The following ST3GAL4 variants were observed in gnomAD, a reference collection of about 807,000 sequenced individuals.
The protein encoded by ST3GAL4 is ST3 beta-galactoside alpha-2,3-sialyltransferase 4, also known as CMP-N-acetylneuraminate-beta-galactosamide-alpha-2,3-sialyltransferase 4.
In ST3GAL4, 24 loss-of-function variants were observed where a neutral mutation model predicts 42.6. That is an observed-to-expected ratio of 0.56 (90% CI 0.41 to 0.79). ST3GAL4 has a LOEUF of 0.79. Among genes scored for constraint, ST3GAL4 ranks in the 30% least tolerant of loss-of-function variants. The pLI, the probability that ST3GAL4 is intolerant of heterozygous loss-of-function variation, is 0.00. For missense variants in ST3GAL4, 311 were observed against 430.8 expected (o/e 0.72, Z 2.46); for synonymous variants, 135 against 163.2 (o/e 0.83, Z 1.32).
In ST3GAL4 at chr11:126,406,222, C is replaced by T. The variant is rs772842973; in HGVS notation, c.16+51C>T. 2.8e-5 allele frequency: 44 copies of T among 1,553,128 alleles called. No individual in the cohort carries two copies. The highest frequency in any genetic ancestry group is 3.2e-5 in the Non-Finnish European group (37 of 1,148,566). On this transcript the variant is annotated intron_variant, in intron 2 of 10. Coordinates refer to ENST00000444328, the MANE Select transcript of ST3GAL4 (RefSeq NM_001254757.2). This position sits in a 1 kb window ranked among gnomAD's most constrained non-coding sequence, Gnocchi z 5.4. ...ACCCTGGAGGACAGGCCTCAGAAGC[C>T]GTCTTCAGCAGGATCCTGGGACCTC... is the stretch of plus-strand genomic sequence containing the variant.
intron 4 of ST3GAL4, 104 bp from the exon 5 acceptor site, chr11:126,407,148 G>A: frequency 1.4e-6 from 2 of 1,480,134 alleles, no homozygotes; most frequent in South Asian, 2.3e-5. Context: ...GTGAAGCCAG[G>A]GAGGGAAGAG....
chr11:126,367,161 G>A (rs1293580332), intron 1 of ST3GAL4, among the ~76,000 whole-genome samples: 4 of 152,066 alleles, frequency 2.6e-5, no homozygotes, highest in South Asian at 2.1e-4. Flanking sequence ...TGAATGGGGC[G>A]GAACTGGTCA....
At position 126,392,694 on chromosome 11, in the gene ST3GAL4, A is replaced by T. The variant is rs144253451; in HGVS notation, c.-60-13402A>T. ...TTTAGTGCTGGAGATACTATGGGAC[A>T]TAAGAAGTCCCTGCTTGCTGGGAGT... On this transcript the variant is annotated intron_variant, in intron 1 of 10. Transcript: ENST00000444328. The surrounding 1 kb of genome is among the most constrained non-coding windows in gnomAD (Gnocchi z 5.8). Among the ~76,000 whole-genome samples the T allele has an allele frequency of 4.2e-3, 646 of 152,372 alleles. 5 individuals are homozygous for T. Among genetic ancestry groups the T allele is most frequent in the African/African-American group, 0.014 (599 of 41,580 alleles).
intron 10 of ST3GAL4, 101 bp downstream of exon 10, chr11:126,413,749 C>T: frequency 5.2e-6 from 8 of 1,543,610 alleles, no homozygotes; most frequent in South Asian, 1.2e-5. Flanking sequence ...CCAGAGGTGG[C>T]TCCCGCAGTC....
At chr11:126,362,819 C>T (rs1952292695) in intron 1 of ST3GAL4, among the ~76,000 whole-genome samples, 1 of 152,208 alleles carries the variant, frequency 6.6e-6, no homozygotes, top group Non-Finnish European at 1.5e-5. Flanking sequence ...ACAAAACAAA[C>T]ATTTTTTAGG....
intron 1 of ST3GAL4, among the ~76,000 whole-genome samples, chr11:126,388,271 C>T (rs1205588341): frequency 6.6e-6 from 1 of 152,206 alleles, no homozygotes; most frequent in African/African-American, 2.4e-5. Context: ...TCTTATTTGC[C>T]ATTCATTTCT....
rs139331399 is a variant in ST3GAL4, at chr11:126,392,510, C to T, written c.-60-13586C>T. 8.2e-4 allele frequency among the ~76,000 whole-genome samples: 125 copies of T among 152,362 alleles called. No homozygotes were observed. Among genetic ancestry groups the T allele is most frequent in the African/African-American group, 2.9e-3 (121 of 41,594 alleles). On this transcript the variant is annotated intron_variant, in intron 1 of 10. Coordinates refer to ENST00000444328, the MANE Select transcript of ST3GAL4 (RefSeq NM_001254757.2). The surrounding 1 kb of genome is among the most constrained non-coding windows in gnomAD (Gnocchi z 5.8). The stretch of plus-strand genomic sequence containing the variant: ...GCTCCCAGTGTGAGCTTCTAGCAAG[C>T]CCCTTGTGCCTTAGATGCCCAGGTC...
rs1238990982 is a variant in ST3GAL4, at chr11:126,396,625, A to G, written c.-60-9471A>G. Among the ~76,000 whole-genome samples, 2 of 151,270 alleles carry G rather than the reference A, an allele frequency of 1.3e-5. No individual in the cohort carries two copies. The highest frequency in any genetic ancestry group is 2.9e-5 in the Non-Finnish European group (2 of 67,906). On this transcript the variant is annotated intron_variant, in intron 1 of 10. Transcript: ENST00000444328. This position sits in a 1 kb window ranked among gnomAD's most constrained non-coding sequence, Gnocchi z 5.8. ...TTCGAAGGACTTGGATGTGCTTGAG[A>G]CCCCTTCCCCTAATTGCTGTGTAGG...
At chr11:126,408,525 G>A in intron 8 of ST3GAL4, 29 bp downstream of exon 8, 2 of 1,611,962 alleles carry the variant, frequency 1.2e-6, no homozygotes, top group Non-Finnish European at 1.7e-6. Context: ...TGGGGGCTGA[G>A]GCCTGGCGGT....
chr11:126,396,908 T>C lies in ST3GAL4; in HGVS notation c.-60-9188T>C, dbSNP rs767366935. Among the ~76,000 whole-genome samples, 17 of 152,046 alleles carry C rather than the reference T, an allele frequency of 1.1e-4. No homozygotes were observed. Among genetic ancestry groups the C allele is most frequent in the East Asian group, 1.9e-4 (1 of 5,192 alleles). On this transcript the variant is annotated intron_variant, in intron 1 of 10. Coordinates refer to ENST00000444328, the MANE Select transcript of ST3GAL4 (RefSeq NM_001254757.2). The surrounding 1 kb of genome is among the most constrained non-coding windows in gnomAD (Gnocchi z 5.8). ...TTAACACTTTCACAGCCCTTAGAAG[T>C]GTCTAGCACAGTGGTCCTCAGCATT...
At position 126,355,713 on chromosome 11, in the gene ST3GAL4, G is replaced by T. The variant is rs961630076; in HGVS notation, c.-190G>T. 6.6e-6 allele frequency: 1 copy of T among 151,788 alleles called. No individual in the cohort carries two copies. Among genetic ancestry groups the T allele is most frequent in the African/African-American group, 2.4e-5 (1 of 41,412 alleles). 9.4% of individuals were successfully genotyped at this position (151,788 alleles called of 1,614,324 possible). ...AGGCGGACTCGCCCGCTCCCAGGCC[G>T]GACCCGCGCCCGGGACAGGGACCCG... On this transcript the variant is annotated 5_prime_UTR_variant, in exon 1 of 11. Coordinates refer to ENST00000444328, the MANE Select transcript of ST3GAL4 (RefSeq NM_001254757.2). The surrounding 1 kb of genome is among the most constrained non-coding windows in gnomAD (Gnocchi z 7.1).
At chr11:126,395,564 C>T (rs1953711490) in intron 1 of ST3GAL4, among the ~76,000 whole-genome samples, 1 of 152,118 alleles carries the variant, frequency 6.6e-6, no homozygotes, top group African/African-American at 2.4e-5. Context: ...TGAATTGTAG[C>T]TCCCATAATT....
rs942076909 is a variant in ST3GAL4, at chr11:126,379,631, C to T, written c.-61+23789C>T. Among the ~76,000 whole-genome samples the T allele has an allele frequency of 1.3e-5, 2 of 152,102 alleles. No homozygotes were observed. Among genetic ancestry groups the T allele is most frequent in the African/African-American group, 4.8e-5 (2 of 41,402 alleles). On this transcript the variant is annotated intron_variant, in intron 1 of 10. Coordinates refer to ENST00000444328, the MANE Select transcript of ST3GAL4 (RefSeq NM_001254757.2). The surrounding 1 kb of genome is among the most constrained non-coding windows in gnomAD (Gnocchi z 4.2). ...TAACTGAGATTACAGGAATCTGCCA[C>T]CACACCTGGCTAATTTTTGTATTTT...
At chr11:126,375,542 C>CCTGG (rs1272063090) in intron 1 of ST3GAL4, among the ~76,000 whole-genome samples, 1 of 152,126 alleles carries the variant, frequency 6.6e-6, no homozygotes, top group East Asian at 1.9e-4. Flanking sequence ...AGCTGTACAA[C>CCTGG]CTGGGCCGGT....
At chr11:126,388,825 G>A (rs1953351666) in intron 1 of ST3GAL4, among the ~76,000 whole-genome samples, 1 of 129,330 alleles carries the variant, frequency 7.7e-6, no homozygotes. Flanking sequence ...AGGCTGGAGT[G>A]CAGTGCAATG....
chr11:126,388,486 A>G (rs937226326), intron 1 of ST3GAL4, among the ~76,000 whole-genome samples: 7 of 151,790 alleles, frequency 4.6e-5, no homozygotes, highest in Non-Finnish European at 1.0e-4. Context: ...ACCTGCCACC[A>G]TGCCTGGCTA....
chr11:126,368,103 C>T (rs564737180), intron 1 of ST3GAL4, among the ~76,000 whole-genome samples: 163 of 150,892 alleles, frequency 1.1e-3, no homozygotes, highest in Non-Finnish European at 1.7e-3. Context: ...GCCAAGATCA[C>T]GCCACTGAAC....
At position 126,406,617 on chromosome 11, in the gene ST3GAL4, A is replaced by C; in HGVS notation, c.101+60A>C. On this transcript the variant is annotated intron_variant, in intron 3 of 10. Transcript: ENST00000444328. This position sits in a 1 kb window ranked among gnomAD's most constrained non-coding sequence, Gnocchi z 5.4. ...TGTCAGGGACAGGGCTTAGGGATGG[A>C]GCATCATGGAGCGGGGGACCTAGTA... The C allele has an allele frequency of 6.2e-7, 1 of 1,610,608 alleles. No homozygotes were observed. The highest frequency in any genetic ancestry group is 8.5e-7 in the Non-Finnish European group (1 of 1,178,244).
chr11:126,407,301 G>T lies in ST3GAL4; in HGVS notation c.232G>T (p.Val78Phe). 1 of 1,614,182 alleles carries T rather than the reference G, an allele frequency of 6.2e-7. No individual in the cohort carries two copies. Among genetic ancestry groups the T allele is most frequent in the Non-Finnish European group, 8.5e-7 (1 of 1,180,024 alleles). Reference sequence around the variant, plus strand: ...CCTGCGGCTTGAGGATTATTTCTGGGTCAAGACGCCATCTGCTTACGAGCT... The same window carrying T: ...CCTGCGGCTTGAGGATTATTTCTGGTTCAAGACGCCATCTGCTTACGAGCT... ...IFLRLEDYFW[V>F]KTPSAYELPY... Residue 78 changes from valine (V) to phenylalanine (F), a missense_variant, in exon 5 of 11, where the codon GTC becomes TTC. Coordinates refer to ENST00000444328, the MANE Select transcript of ST3GAL4 (RefSeq NM_001254757.2).
Sources: allele counts gnomAD v4.1 joint callset (sites outside exome capture counted in the v4.1 genomes callset), GRCh38; gene constraint gnomAD v4.1.1; non-coding constraint Gnocchi (gnomAD v3.1); transcripts MANE v1.5; gene names NCBI Gene and HGNC (gene_info 2026-07-23, HGNC 2026-07-21).